ZFP41: variants seen among roughly 807,000 people sequenced by gnomAD.
ZFP41 encodes the protein zinc finger protein 41 homolog.
Under a neutral mutation model 11.6 loss-of-function variants are expected in ZFP41, and 10 were observed. The observed-to-expected ratio is 0.86, with a 90% confidence interval of 0.53 to 1.47. The LOEUF (loss-of-function observed/expected upper bound fraction) is 1.47, where lower values mean the gene tolerates loss of function less well. ZFP41 is among the 40% of genes most tolerant of loss of function. The pLI, the probability that ZFP41 is intolerant of heterozygous loss-of-function variation, is 0.00. For missense variants in ZFP41, 302 were observed against 264.6 expected, an observed-to-expected ratio of 1.14 and a Z score of -0.98; for synonymous variants, 123 against 100.9, an observed-to-expected ratio of 1.22 and a Z score of -1.31.
chr8:143,255,559 G>A (rs1159508681), intron 2 of ZFP41, among the ~76,000 whole-genome samples: 4 of 140,886 alleles, frequency 2.8e-5, no homozygotes, highest in African/African-American at 1.1e-4. Context: ...ATCAGGGCTC[G>A]CCCCGCGTGC....
chr8:143,255,725 C>G (rs1400251725), intron 2 of ZFP41, among the ~76,000 whole-genome samples: 1 of 128,924 alleles, frequency 7.8e-6, no homozygotes, highest in Non-Finnish European at 1.6e-5. Context: ...GAGATCACGG[C>G]TCACCCCGCG....
chr8:143,255,239 G>T (rs1390725542), intron 2 of ZFP41, among the ~76,000 whole-genome samples: 2 of 152,216 alleles, frequency 1.3e-5, no homozygotes, highest in East Asian at 3.9e-4. Flanking sequence ...CCCTCACTCT[G>T]GAACTGTGGG....
intron 2 of ZFP41, among the ~76,000 whole-genome samples, chr8:143,256,332 C>G (rs1236168090): frequency 8.8e-6 from 1 of 114,046 alleles, no homozygotes; most frequent in East Asian, 2.4e-4. Context: ...TTAGTGAGAT[C>G]AGGGCTCACC....
intron 2 of ZFP41, among the ~76,000 whole-genome samples, chr8:143,254,391 C>T (rs1554613693): frequency 6.6e-6 from 1 of 152,176 alleles, no homozygotes; most frequent in Non-Finnish European, 1.5e-5. Context: ...GAGCCGGCGT[C>T]AGGAGTCAGG....
chr8:143,250,327 C>G lies in ZFP41; in HGVS notation c.484C>G (p.Gln162Glu), dbSNP rs1243461084. ...FNCGSNLLKH[Q>E]KTHTGEKPYE... ...CTGCGGCTCCAATCTCCTGAAACAT[C>G]AGAAGACGCACACCGGGGAGAAGCC... The change falls in exon 2 of 3, where the codon CAG becomes GAG. Residue 162 changes from glutamine to glutamate, a missense_variant. Physicochemically the swap from Gln to Glu is conservative, Grantham distance 29. Transcript: ENST00000330701. 1 of 1,613,886 alleles carries G rather than the reference C, an allele frequency of 6.2e-7. No individual in the cohort carries two copies. Among genetic ancestry groups the G allele is most frequent in the Non-Finnish European group, 8.5e-7 (1 of 1,180,024 alleles).
intron 2 of ZFP41, among the ~76,000 whole-genome samples, chr8:143,254,721 C>T (rs1814866868): frequency 6.6e-6 from 1 of 151,622 alleles, no homozygotes; most frequent in Admixed American, 6.6e-5. Context: ...CAACCTCCAC[C>T]TCCCGCGGTC....
chr8:143,256,604 G>A (rs1408950831), intron 2 of ZFP41, among the ~76,000 whole-genome samples: 1 of 152,226 alleles, frequency 6.6e-6, no homozygotes, highest in Non-Finnish European at 1.5e-5. Context: ...GGGGCCAGAT[G>A]TGGTGACTCA....
At chr8:143,254,706 C>T (rs1249642770) in intron 2 of ZFP41, among the ~76,000 whole-genome samples, 3 of 146,028 alleles carry the variant, frequency 2.1e-5, no homozygotes, top group African/African-American at 5.0e-5. Context: ...GATCTCAGCT[C>T]ACCACAACCT....
Position 143,261,907 on chromosome 8 carries a change from TCTCCGGCAGCACCTGCCAC to T in ZFP41, c.*3034_*3052del, listed in dbSNP as rs1815051169. ...TCTCCGGCAGCACCTGCCACGCCCG[TCTCCGGCAGCACCTGCCAC>T]GCCCGTCTCCGGCAGCACCTGCCAC... On this transcript the variant is annotated 3_prime_UTR_variant, in exon 3 of 3. Coordinates refer to ENST00000330701, the MANE Select transcript of ZFP41 (RefSeq NM_173832.6). 4.8e-5 allele frequency: 2 copies of T among 41,968 alleles called. No individual in the cohort carries two copies. Among genetic ancestry groups the T allele is most frequent in the African/African-American group, 2.3e-4 (2 of 8,664 alleles). The allele number at this position is 41,968 out of a possible 1,614,324, so 2.6% of individuals were successfully genotyped here. A position where few individuals can be genotyped will look rare whatever the true frequency, so the allele number is the denominator to read the frequency against.
At chr8:143,254,064 G>A (rs573768508) in intron 2 of ZFP41, among the ~76,000 whole-genome samples, 11 of 152,294 alleles carry the variant, frequency 7.2e-5, no homozygotes, top group African/African-American at 2.2e-4. Flanking sequence ...AGGCGGTAAC[G>A]CTCACTCGCC....
chr8:143,260,667 G>T lies in ZFP41; in HGVS notation c.*1793G>T. On this transcript the variant is annotated 3_prime_UTR_variant, in exon 3 of 3. Coordinates refer to ENST00000330701, the MANE Select transcript of ZFP41 (RefSeq NM_173832.6). ...CAGCCTCTCTTGGCCACCCGGACCA[G>T]CGGGCACCACCCTCCCAGCCTCACG... The T allele has an allele frequency of 5.2e-6, 1 of 192,230 alleles. No homozygotes were observed. Among genetic ancestry groups the T allele is most frequent in the South Asian group, 6.7e-5 (1 of 14,928 alleles). 11.9% of individuals were successfully genotyped at this position (192,230 alleles called of 1,614,324 possible).
chr8:143,255,269 C>T (rs891639693), intron 2 of ZFP41, among the ~76,000 whole-genome samples: 1 of 152,234 alleles, frequency 6.6e-6, no homozygotes, highest in Non-Finnish European at 1.5e-5. Flanking sequence ...TCAGTTTTCC[C>T]AGGTGTGAAA....
At position 143,249,769 on chromosome 8, in the gene ZFP41, G is replaced by T. The variant is rs557330263; in HGVS notation, c.-75G>T. ...GGGAGTGTGGAGAGGTGCGTGGGAAGCAAGCCATTGAGGAAGTGGGGCCAA... is the reference window on the plus strand; with the variant it reads ...GGGAGTGTGGAGAGGTGCGTGGGAATCAAGCCATTGAGGAAGTGGGGCCAA... On this transcript the variant is annotated 5_prime_UTR_variant, in exon 2 of 3. Transcript: ENST00000330701. 1.8e-5 allele frequency: 27 copies of T among 1,507,246 alleles called. No individual in the cohort carries two copies. The East Asian group carries it at 6.0e-4, about 33-fold the overall frequency. The allele number at this position is 1,507,246 out of a possible 1,614,324, so 93.4% of individuals were successfully genotyped here.
In ZFP41 at chr8:143,256,447, A is replaced by C. The variant is rs571475778; in HGVS notation, c.*901-3328A>C. 2.7e-5 allele frequency among the ~76,000 whole-genome samples: 4 copies of C among 147,046 alleles called. No homozygotes were observed. The South Asian group carries it at 9.0e-4, about 33-fold the overall frequency. ...TGTTAGTGAGATCAGGGCTCGCCCC[A>C]CATGCTGGTGTTAGTGAGATCAGAT... On this transcript the variant is annotated intron_variant, in intron 2 of 2. Coordinates refer to ENST00000330701, the MANE Select transcript of ZFP41 (RefSeq NM_173832.6).
At chr8:143,255,495 C>T (rs948190034) in intron 2 of ZFP41, among the ~76,000 whole-genome samples, 5 of 145,396 alleles carry the variant, frequency 3.4e-5, no homozygotes, top group South Asian at 2.2e-4. Context: ...GAGCTCACCC[C>T]GCGTGCTGGT....
chr8:143,250,405 C>T lies in ZFP41; in HGVS notation c.562C>T (p.Arg188Cys), dbSNP rs533687952. ...CTTTGCCTACAGCTCCTGTCTCATC[C>T]GCCATCAGAAACGCCACCCTCGGAA... ...KAFAYSSCLI[R>C]HQKRHPRKKP The change falls in exon 2 of 3, where the codon CGC becomes TGC. Residue 188 changes from arginine to cysteine, a missense_variant. Arg to Cys is a radical substitution (Grantham distance 180, BLOSUM62 -3). Coordinates refer to ENST00000330701, the MANE Select transcript of ZFP41 (RefSeq NM_173832.6). 66 of 1,612,346 alleles carry T rather than the reference C, an allele frequency of 4.1e-5. No individual in the cohort carries two copies. Among genetic ancestry groups the T allele is most frequent in the Non-Finnish European group, 4.7e-5 (55 of 1,178,858 alleles).
At chr8:143,253,217 G>A (rs1472593244) in intron 2 of ZFP41, 5 of 152,442 alleles carry the variant, frequency 3.3e-5, no homozygotes, top group East Asian at 1.9e-4. Context: ...CCTCACTGAC[G>A]TCCTCCTACT....
intron 2 of ZFP41, among the ~76,000 whole-genome samples, chr8:143,251,710 G>A (rs1342438813): frequency 6.6e-6 from 1 of 152,192 alleles, no homozygotes; most frequent in Admixed American, 6.5e-5. Flanking sequence ...AGTCCTGTCT[G>A]GGTGGAAACG....
chr8:143,249,880 A>C lies in ZFP41; in HGVS notation c.37A>C (p.Thr13Pro). Residue 13 changes from threonine to proline, a missense_variant, in exon 2 of 3, where the codon ACC becomes CCC. Physicochemically the swap from Thr to Pro is conservative, Grantham distance 38 (BLOSUM62 -1). Coordinates refer to ENST00000330701, the MANE Select transcript of ZFP41 (RefSeq NM_173832.6). ...TGCAGGCAGAAAAAAGAAGACGCCG[A>C]CCCCAAGGGAGGAGGCAGACGTGCA... The part of the protein sequence containing the change: ...KPAGRKKKTP[T>P]PREEADVQKS... The C allele has an allele frequency of 6.2e-7, 1 of 1,604,974 alleles. No homozygotes were observed. The highest frequency in any genetic ancestry group is 8.5e-7 in the Non-Finnish European group (1 of 1,177,210).
Sources: gnomAD v4.1 joint callset for allele counts (sites outside exome capture counted in the v4.1 genomes callset) on GRCh38, gnomAD v4.1.1 for gene constraint, MANE v1.5 for transcripts, NCBI Gene and HGNC (gene_info 2026-07-23, HGNC 2026-07-21) for gene names.